The following SOX5 variants were observed in gnomAD, a reference collection of about 807,000 sequenced individuals.
The protein encoded by SOX5 is SRY-box transcription factor 5.
In SOX5, 9 loss-of-function variants were observed where a neutral mutation model predicts 92.0. The ratio of observed to expected loss-of-function variants is 0.10; its 90% confidence interval spans 0.06 to 0.17. SOX5 has a LOEUF of 0.17. Among genes scored for constraint, SOX5 ranks in the 10% least tolerant of loss-of-function variants. The pLI, the probability that SOX5 is intolerant of heterozygous loss-of-function variation, is 1.00. For missense variants in SOX5, 642 were observed against 944.5 expected, an observed-to-expected ratio of 0.68 and a Z score of 4.20; for synonymous variants, 344 against 336.3, an observed-to-expected ratio of 1.02 and a Z score of -0.25.
intron 4 of SOX5, among the ~76,000 whole-genome samples, chr12:23,970,841 A>ATATATATATATTTTTTTTTTTTTTTT: frequency 9.1e-5 from 2 of 21,884 alleles, no homozygotes; most frequent in East Asian, 8.7e-4. Flanking sequence ...TATATATATA[A>ATATATATATATTTTTTTTTTTTTTTT]TTTTTTTTTT....
rs114519042 is a variant in SOX5, at chr12:24,181,119, T to C, written c.-2+32224A>G. 4.5e-3 allele frequency among the ~76,000 whole-genome samples: 692 copies of C among 152,318 alleles called. 4 individuals carry two copies. The highest frequency in any genetic ancestry group is 0.016 in the African/African-American group (669 of 41,586). On this transcript the variant is annotated intron_variant, in intron 4 of 4. Transcript: ENST00000446891. ...TGGTTGGAGGAAAAACTAGCTGTAT[T>C]GCATCTTACTGAGGAATGGTATACT...
chr12:24,052,990 T>G (rs1017097490), intron 4 of SOX5, among the ~76,000 whole-genome samples: 1 of 152,210 alleles, frequency 6.6e-6, no homozygotes, highest in East Asian at 1.9e-4. Flanking sequence ...ATCTTATAAC[T>G]ATTGTTAGAT....
At chr12:24,468,327 T>C (rs1006884275) in intron 1 of SOX5, among the ~76,000 whole-genome samples, 3 of 152,196 alleles carry the variant, frequency 2.0e-5, no homozygotes, top group Non-Finnish European at 4.4e-5. Flanking sequence ...ATCTGTAAAA[T>C]GGGGATGTAA....
intron 1 of SOX5, among the ~76,000 whole-genome samples, chr12:23,927,386 C>A (rs1435813900): frequency 6.6e-6 from 1 of 152,000 alleles, no homozygotes; most frequent in Non-Finnish European, 1.5e-5. Context: ...TCCAACTTAA[C>A]ACCTCTTTCT....
chr12:23,850,602 A>T (rs1237669755), intron 2 of SOX5, among the ~76,000 whole-genome samples: 1 of 152,060 alleles, frequency 6.6e-6, no homozygotes, highest in Non-Finnish European at 1.5e-5. Flanking sequence ...TGTTGAAACT[A>T]AATTTCACTA....
At chr12:23,638,857 T>C (rs2079626590) in intron 8 of SOX5, among the ~76,000 whole-genome samples, 1 of 151,620 alleles carries the variant, frequency 6.6e-6, no homozygotes, top group Admixed American at 6.6e-5. Flanking sequence ...GGGCATGTGT[T>C]TGTTCTGAAT....
intron 2 of SOX5, among the ~76,000 whole-genome samples, chr12:23,880,685 C>A (rs1386852525): frequency 6.6e-6 from 1 of 152,144 alleles, no homozygotes; most frequent in Non-Finnish European, 1.5e-5. Flanking sequence ...TAAGGCACAA[C>A]CCCCTTTCTA....
At chr12:23,640,983 GCCTT>G in intron 7 of SOX5, 86 bp from the exon 8 acceptor site, 1 of 904,042 alleles carries the variant, frequency 1.1e-6, no homozygotes, top group Non-Finnish European at 1.7e-6. Context: ...CTTTCCAAAA[GCCTT>G]CTTTTGTGTG....
rs967911705 is a variant in SOX5 at position 23,533,378 on chromosome 12, C to T, written c.*841G>A. 3.9e-6 allele frequency: 1 copy of T among 255,092 alleles called. No homozygotes were observed. The highest frequency in any genetic ancestry group is 8.1e-6 in the Non-Finnish European group (1 of 122,846). 15.8% of individuals were successfully genotyped at this position (255,092 alleles called of 1,614,324 possible). A position where few individuals can be genotyped will look rare whatever the true frequency, so the allele number is the denominator to read the frequency against. Reference sequence around the variant, plus strand: ...ATTAAAAAAAAAAGTCAAATCTCACCAGCTGCTGGTATTTCAGGTTTTTCA... The same window carrying T: ...ATTAAAAAAAAAAGTCAAATCTCACTAGCTGCTGGTATTTCAGGTTTTTCA... On this transcript the variant is annotated 3_prime_UTR_variant, in exon 15 of 15. Transcript: ENST00000451604.
intron 1 of SOX5, among the ~76,000 whole-genome samples, chr12:24,548,221 A>T (rs1952832228): frequency 2.0e-5 from 3 of 152,264 alleles, no homozygotes; most frequent in Admixed American, 2.0e-4. Flanking sequence ...ATGTCCCTTG[A>T]CACAAACTCA....
chr12:24,075,277 T>TA (rs59967372), intron 4 of SOX5, among the ~76,000 whole-genome samples: 25,678 of 75,520 alleles, frequency 0.34, 5,310 homozygotes, highest in East Asian at 0.55. Flanking sequence ...CTCAAATTAT[T>TA]AAAAAAAAAA....
chr12:24,032,488 A>T (rs1261841733), intron 4 of SOX5, among the ~76,000 whole-genome samples: 3 of 151,926 alleles, frequency 2.0e-5, no homozygotes, highest in Admixed American at 2.0e-4. Context: ...TTATCATCAA[A>T]TATATTTCAC....
At chr12:24,309,283 GTTAA>G (rs1406892887) in intron 2 of SOX5, among the ~76,000 whole-genome samples, 3 of 152,098 alleles carry the variant, frequency 2.0e-5, no homozygotes, top group Non-Finnish European at 2.9e-5. Flanking sequence ...CTATTGTTTT[GTTAA>G]TTGTCAATTT....
chr12:23,861,522 G>A (rs1428791079), intron 2 of SOX5, among the ~76,000 whole-genome samples: 1 of 152,040 alleles, frequency 6.6e-6, no homozygotes, highest in Non-Finnish European at 1.5e-5. Context: ...CAATTCTACT[G>A]GAATTCCTGT....
Position 23,588,858 on chromosome 12 carries a change from A to AT in SOX5, c.1165-13021dup, listed in dbSNP as rs371383811. Among the ~76,000 whole-genome samples the AT allele has an allele frequency of 9.2e-3, 1,395 of 151,970 alleles. 25 individuals carry two copies. Among genetic ancestry groups the AT allele is most frequent in the African/African-American group, 0.032 (1,319 of 41,478 alleles). On this transcript the variant is annotated intron_variant, in intron 9 of 14. Transcript: ENST00000451604. ...TGGTCCCATAAGATTATAATACTAT[A>AT]TTTTTACTATACCTTTTCTATGTTT...
rs1193588275 is a variant in SOX5, at chr12:24,244,192, C to T, written c.-76-30775G>A. On this transcript the variant is annotated intron_variant, in intron 3 of 4. Transcript: ENST00000446891. The stretch of plus-strand genomic sequence containing the variant: ...TGAACTTCTATAACTTTGAGCCTAT[C>T]TGGTTTTCCATGTAATTTAGAGTAG... Among the ~76,000 whole-genome samples, 3 of 152,180 alleles carry T rather than the reference C, an allele frequency of 2.0e-5. No individual in the cohort carries two copies. The East Asian group carries it at 5.8e-4, about 29-fold the overall frequency.
chr12:23,595,955 T>A lies in SOX5; in HGVS notation c.1164+8432A>T, dbSNP rs563157955. Among the ~76,000 whole-genome samples the A allele has an allele frequency of 3.3e-5, 5 of 152,176 alleles. No homozygotes were observed. The South Asian group carries it at 1.0e-3, about 31-fold the overall frequency. ...AATAACAAAAAAGACTTATTCTGAATAAGACAATGCTGTCTCATTAACTGG... is the reference window on the plus strand; with the variant it reads ...AATAACAAAAAAGACTTATTCTGAAAAAGACAATGCTGTCTCATTAACTGG... On this transcript the variant is annotated intron_variant, in intron 9 of 14. Transcript: ENST00000451604.
chr12:23,798,572 T>C (rs1428007329), intron 3 of SOX5, among the ~76,000 whole-genome samples: 3 of 149,358 alleles, frequency 2.0e-5, no homozygotes, highest in Non-Finnish European at 4.4e-5. Context: ...CAATATCCCA[T>C]TTTTATTCCT....
At chr12:24,031,226 A>C (rs1955478120) in intron 4 of SOX5, among the ~76,000 whole-genome samples, 1 of 149,346 alleles carries the variant, frequency 6.7e-6, no homozygotes, top group Non-Finnish European at 1.5e-5. Flanking sequence ...CACAAAGGAA[A>C]TCAGTATATC....
Sources: allele counts gnomAD v4.1 joint callset (sites outside exome capture counted in the v4.1 genomes callset), GRCh38; gene constraint gnomAD v4.1.1; transcripts MANE v1.5; gene names NCBI Gene and HGNC (gene_info 2026-07-23, HGNC 2026-07-21).